SNRNP27: variants seen among roughly 807,000 people sequenced by gnomAD.
The protein encoded by SNRNP27 is U4/U6.U5 small nuclear ribonucleoprotein 27 kDa protein.
In SNRNP27, 22 loss-of-function variants were observed where a neutral mutation model predicts 25.1. The ratio of observed to expected loss-of-function variants is 0.88; its 90% CI spans 0.63 to 1.25. The LOEUF is 1.25. Ranked by LOEUF, SNRNP27 falls within the 50% of genes most tolerant of loss-of-function variation. The pLI is 0.00. For synonymous variants in SNRNP27, 66 were observed against 64.9 expected (o/e 1.02, Z -0.08); for missense variants, 150 against 202.3 (o/e 0.74, Z 1.57).
At position 69,904,305 on chromosome 2, in the gene SNRNP27, A is replaced by G. The variant is rs758230192; in HGVS notation, c.465A>G (p.Ala155=). The change falls in exon 6 of 6, where the codon GCA becomes GCG. Residue 155 remains alanine, a synonymous_variant. Coordinates refer to ENST00000244227, the MANE Select transcript of SNRNP27 (RefSeq NM_006857.3). ...TCAACAGACCTTTGGATTTCATTGC[A>G]TGAGAATTGAAGTGTTGAAGGATGA... is the stretch of plus-strand genomic sequence containing the variant. The part of the protein sequence containing the change: ...GGFNRPLDFI[A] The G allele has an allele frequency of 3.7e-6, 6 of 1,610,336 alleles. No homozygotes were observed. In the South Asian group the frequency reaches 5.5e-5, roughly 15 times the overall value.
chr2:69,894,954 A>G, intron 1 of SNRNP27, 140 bp from the exon 2 acceptor site: 1 of 1,196,432 alleles, frequency 8.4e-7, no homozygotes, highest in East Asian at 2.5e-5. Context: ...CTGGGATTAC[A>G]GGCGTGAGCC....
At chr2:69,899,299 T>C (rs1224129927) in intron 4 of SNRNP27, among the ~76,000 whole-genome samples, 1 of 152,230 alleles carries the variant, frequency 6.6e-6, no homozygotes, top group Non-Finnish European at 1.5e-5. Flanking sequence ...CTCATTTGTG[T>C]TTTTAAGTAA....
At chr2:69,904,177 C>T in intron 5 of SNRNP27, 77 bp from the exon 6 acceptor site, 2 of 959,950 alleles carry the variant, frequency 2.1e-6, no homozygotes, top group African/African-American at 1.8e-5. Flanking sequence ...TAGTTTTCAT[C>T]TCTGATGCAT....
At chr2:69,897,243 C>A in intron 3 of SNRNP27, 134 bp from the exon 4 acceptor site, 1 of 586,540 alleles carries the variant, frequency 1.7e-6, no homozygotes, top group Non-Finnish European at 3.0e-6. Flanking sequence ...TTTCATTAGA[C>A]TCATCTTCAG....
chr2:69,895,596 G>T (rs1252676340), intron 2 of SNRNP27, among the ~76,000 whole-genome samples: 1 of 152,034 alleles, frequency 6.6e-6, no homozygotes, highest in East Asian at 1.9e-4. Flanking sequence ...AGGCTGGAGT[G>T]CAGCGGCGCA....
chr2:69,896,005 C>T (rs180747382), intron 2 of SNRNP27, among the ~76,000 whole-genome samples: 1,927 of 149,270 alleles, frequency 0.013, 32 homozygotes, highest in African/African-American at 0.045. Context: ...GAGGGTCTCC[C>T]TGTGTTGCCC....
intron 2 of SNRNP27, 70 bp downstream of exon 2, chr2:69,895,284 CTT>C: frequency 1.3e-6 from 2 of 1,565,604 alleles, no homozygotes; most frequent in South Asian, 1.2e-5. Flanking sequence ...CAGCTCTTAA[CTT>C]TGTTTTCATC....
chr2:69,897,468 G>C lies in SNRNP27; in HGVS notation c.348+12G>C. On this transcript the variant is annotated intron_variant, in intron 4 of 5. Coordinates refer to ENST00000244227, the MANE Select transcript of SNRNP27 (RefSeq NM_006857.3). ...TTGACTCCACAAAAGTAAGTAAAAC[G>C]TGCAACATTCTCATTTGAATTAATA... is the stretch of plus-strand genomic sequence containing the variant. 6.3e-7 allele frequency: 1 copy of C among 1,575,788 alleles called. No individual in the cohort carries two copies. The highest frequency in any genetic ancestry group is 1.1e-5 in the South Asian group (1 of 89,912).
intron 5 of SNRNP27, among the ~76,000 whole-genome samples, chr2:69,903,852 A>G (rs1676750394): frequency 6.6e-6 from 1 of 152,160 alleles, no homozygotes; most frequent in African/African-American, 2.4e-5. Context: ...ATTACCTTCA[A>G]ATAAGGTCTT....
intron 4 of SNRNP27, among the ~76,000 whole-genome samples, chr2:69,900,684 G>A (rs1026235826): frequency 3.3e-5 from 5 of 152,194 alleles, no homozygotes; most frequent in Non-Finnish European, 7.3e-5. Flanking sequence ...GGAGAGGGAG[G>A]AGGTGGGGGT....
At chr2:69,901,713 C>T (rs536923898) in intron 4 of SNRNP27, among the ~76,000 whole-genome samples, 1 of 152,146 alleles carries the variant, frequency 6.6e-6, no homozygotes, top group Admixed American at 6.5e-5. Flanking sequence ...CCCAGCTACT[C>T]GGGAGGCTGA....
intron 4 of SNRNP27, 55 bp downstream of exon 4, chr2:69,897,511 C>A: frequency 7.8e-7 from 1 of 1,277,516 alleles, no homozygotes; most frequent in Non-Finnish European, 1.1e-6. Flanking sequence ...ACTGTCCTAT[C>A]TTTCCATGTT....
intron 3 of SNRNP27, among the ~76,000 whole-genome samples, chr2:69,896,823 G>A (rs538148097): frequency 2.0e-5 from 3 of 151,976 alleles, no homozygotes; most frequent in East Asian, 1.9e-4. Flanking sequence ...ACAGGCACCC[G>A]CCACTATGCC....
intron 5 of SNRNP27, 144 bp downstream of exon 5, chr2:69,903,389 C>G: frequency 1.5e-6 from 1 of 663,706 alleles, no homozygotes. Context: ...TGCTTATATT[C>G]TGGTGTGTTA....
At chr2:69,897,715 T>A in intron 4 of SNRNP27, 1 of 385,694 alleles carries the variant, frequency 2.6e-6, no homozygotes. Flanking sequence ...TTATTTCAGG[T>A]AGAGGGAAGA....
chr2:69,900,161 A>G (rs763591413), intron 4 of SNRNP27, among the ~76,000 whole-genome samples: 1 of 152,084 alleles, frequency 6.6e-6, no homozygotes, highest in Admixed American at 6.6e-5. Flanking sequence ...AAAAGTAATT[A>G]CAGTTTTTGC....
At position 69,903,237 on chromosome 2, in the gene SNRNP27, G is replaced by A; in HGVS notation, c.405G>A (p.Arg135=). The A allele has an allele frequency of 6.2e-7, 1 of 1,610,642 alleles. No individual in the cohort carries two copies. Among genetic ancestry groups the A allele is most frequent in the Non-Finnish European group, 8.5e-7 (1 of 1,176,894 alleles). Residue 135 remains arginine, a synonymous_variant, in exon 5 of 6, where the codon AGG becomes AGA. Coordinates refer to ENST00000244227, the MANE Select transcript of SNRNP27 (RefSeq NM_006857.3). The part of the protein sequence containing the change: ...NAYAINVSQK[R]KYRQYMNRKG... ...ATGCCATAAATGTCTCTCAGAAGAG[G>A]AAGTACAGGTATGCATAGCCCCCAT... is the stretch of plus-strand genomic sequence containing the variant.
At position 69,897,398 on chromosome 2, in the gene SNRNP27, CAG is replaced by C. The variant is rs775811167; in HGVS notation, c.293_294del (p.Glu98GlyfsTer15). The stretch of plus-strand genomic sequence containing the variant: ...GCAGAGGAAGACTTAGAGGGCAAAA[CAG>C]AGGAAGAAATAGAAATGATGAAGTT... On this transcript the variant is annotated frameshift_variant, in exon 4 of 6. Transcript: ENST00000244227. LOFTEE classifies it high-confidence loss of function. 1.2e-5 allele frequency: 20 copies of C among 1,612,952 alleles called. No individual in the cohort carries two copies. Among genetic ancestry groups the C allele is most frequent in the Admixed American group, 3.3e-5 (2 of 59,976 alleles).
intron 2 of SNRNP27, among the ~76,000 whole-genome samples, 161 bp from the exon 3 acceptor site, chr2:69,896,275 A>G (rs554663559): frequency 1.3e-5 from 2 of 152,206 alleles, no homozygotes; most frequent in South Asian, 2.1e-4. Context: ...ACATTAAAAA[A>G]TTTTTTTGTT....
Sources: allele counts gnomAD v4.1 joint callset (sites outside exome capture counted in the v4.1 genomes callset), GRCh38; gene constraint gnomAD v4.1.1; transcripts MANE v1.5; gene names NCBI Gene and HGNC (gene_info 2026-07-23, HGNC 2026-07-21).